Variants in SYCP1 observed in about 807,000 individuals in gnomAD.
SYCP1 encodes cancer/testis antigen 8.
Under a neutral mutation model 153.1 loss-of-function variants are expected in SYCP1, and 64 were observed. The ratio of observed to expected loss-of-function variants is 0.42; its 90% CI spans 0.34 to 0.51. The LOEUF (loss-of-function observed/expected upper bound fraction) is 0.51, where lower values mean the gene tolerates loss of function less well. SYCP1 is among the 20% of genes least tolerant of loss of function. The pLI is 0.06. For synonymous variants in SYCP1, 384 were observed against 341.8 expected (o/e 1.12, Z -1.36); for missense variants, 997 against 1,049.0 (o/e 0.95, Z 0.68).
chr1:114,989,066 C>T (rs991624140), intron 30 of SYCP1, among the ~76,000 whole-genome samples: 7 of 151,834 alleles, frequency 4.6e-5, no homozygotes, highest in Admixed American at 4.6e-4. Flanking sequence ...ACTTAGGAGG[C>T]TGAGGTGTAA....
intron 23 of SYCP1, among the ~76,000 whole-genome samples, chr1:114,934,931 T>C (rs538323343): frequency 1.3e-5 from 2 of 152,022 alleles, no homozygotes; most frequent in South Asian, 4.2e-4. Flanking sequence ...CCTAGAAAGG[T>C]ACTTAGACTC....
chr1:114,915,653 C>T (rs1668469526), intron 20 of SYCP1, among the ~76,000 whole-genome samples: 2 of 152,188 alleles, frequency 1.3e-5, no homozygotes, highest in Non-Finnish European at 2.9e-5. Context: ...GAATTTAAAA[C>T]TCTTTTCAGT....
At chr1:114,912,474 A>G (rs556815137) in intron 18 of SYCP1, among the ~76,000 whole-genome samples, 3 of 152,126 alleles carry the variant, frequency 2.0e-5, no homozygotes, top group African/African-American at 7.2e-5. Context: ...TGTAAGCAAT[A>G]CAGCAATAAT....
At chr1:114,926,026 C>T (rs570294292) in intron 21 of SYCP1, among the ~76,000 whole-genome samples, 3 of 152,064 alleles carry the variant, frequency 2.0e-5, no homozygotes, top group Non-Finnish European at 2.9e-5. Context: ...GTAATCCCAG[C>T]ACTTTGGGAG....
chr1:114,887,729 T>A (rs540020952), intron 15 of SYCP1, 36 bp downstream of exon 15: 1 of 1,266,108 alleles, frequency 7.9e-7, no homozygotes, highest in South Asian at 1.9e-5. Context: ...ACTTTAATAA[T>A]ATTAACTTAT....
rs554201631 is a variant in SYCP1, at chr1:114,899,913, A to T, written c.1320+4404A>T. On this transcript the variant is annotated intron_variant, in intron 16 of 31. Transcript: ENST00000369522. ...AAGGCAATTTTGAAACTGAAGTTTG[A>T]TTTTGGGAAGCCTGTAAAATATGTT... Among the ~76,000 whole-genome samples, 8 of 152,328 alleles carry T rather than the reference A, an allele frequency of 5.3e-5. No homozygotes were observed. The South Asian group carries it at 1.4e-3, about 28-fold the overall frequency.
chr1:114,977,167 T>C (rs1672847565), intron 27 of SYCP1, among the ~76,000 whole-genome samples: 1 of 151,788 alleles, frequency 6.6e-6, no homozygotes, highest in African/African-American at 2.4e-5. Context: ...CATAGAAAAA[T>C]CTAATTCTGC....
At chr1:114,975,632 T>C (rs1018510125) in intron 27 of SYCP1, among the ~76,000 whole-genome samples, 16 of 151,746 alleles carry the variant, frequency 1.1e-4, no homozygotes, top group African/African-American at 3.9e-4. Context: ...TCTCAGTCAA[T>C]ATGACAATCC....
chr1:114,932,642 C>T (rs544458902), intron 23 of SYCP1, among the ~76,000 whole-genome samples: 1 of 152,322 alleles, frequency 6.6e-6, no homozygotes, highest in East Asian at 1.9e-4. Context: ...TGGGGAATTC[C>T]CTTTCCTAAC....
chr1:114,951,817 CT>C (rs1671127833), intron 27 of SYCP1, among the ~76,000 whole-genome samples: 1 of 152,076 alleles, frequency 6.6e-6, no homozygotes, highest in Admixed American at 6.6e-5. Context: ...TCCCCCACCC[CT>C]GGCAATCACT....
intron 16 of SYCP1, among the ~76,000 whole-genome samples, chr1:114,904,540 C>G (rs1050524487): frequency 6.6e-6 from 1 of 152,108 alleles, no homozygotes; most frequent in African/African-American, 2.4e-5. Flanking sequence ...AGTACATGAA[C>G]GTAGTATCTG....
intron 23 of SYCP1, among the ~76,000 whole-genome samples, chr1:114,929,603 GTAT>G (rs1157870161): frequency 5.3e-5 from 8 of 151,890 alleles, no homozygotes; most frequent in Admixed American, 3.3e-4. Context: ...AAGACAAGTA[GTAT>G]TATTAAAGAT....
chr1:114,945,992 A>G (rs1326479997), intron 25 of SYCP1, among the ~76,000 whole-genome samples: 1 of 152,094 alleles, frequency 6.6e-6, no homozygotes, highest in African/African-American at 2.4e-5. Context: ...TTTCTGGCAA[A>G]TTTTTAAATG....
intron 30 of SYCP1, among the ~76,000 whole-genome samples, chr1:114,986,054 A>G (rs1429387275): frequency 6.6e-6 from 1 of 152,002 alleles, no homozygotes; most frequent in Non-Finnish European, 1.5e-5. Context: ...GAGGAAGTAC[A>G]TAGGTTACAT....
At chr1:114,886,098 T>C (rs368339160) in intron 13 of SYCP1, 27 bp from the exon 14 acceptor site, 60 of 1,508,858 alleles carry the variant, frequency 4.0e-5, no homozygotes, top group Non-Finnish European at 5.2e-5. Context: ...GGATCATTGC[T>C]CTTGTTTTAT....
intron 27 of SYCP1, among the ~76,000 whole-genome samples, chr1:114,965,771 C>T (rs1467377079): frequency 6.6e-6 from 1 of 152,170 alleles, no homozygotes; most frequent in Admixed American, 6.5e-5. Flanking sequence ...AGGATTATCA[C>T]ATCGATGTTC....
At chr1:114,854,245 G>C (rs1412943685), upstream of SYCP1, among the ~76,000 whole-genome samples, 3 of 152,104 alleles carry the variant, frequency 2.0e-5, no homozygotes, top group African/African-American at 7.2e-5. Context: ...CAAGACTCAA[G>C]TGATCTTCCC....
chr1:114,981,956 A>G (rs773830860), intron 29 of SYCP1, among the ~76,000 whole-genome samples: 2 of 151,980 alleles, frequency 1.3e-5, no homozygotes, highest in African/African-American at 2.4e-5. Context: ...GTTTACCCCA[A>G]TCATCTTGCA....
chr1:114,858,647 AAAGT>A lies in SYCP1; in HGVS notation c.397_400del (p.Lys133CysfsTer7). 1 of 1,613,184 alleles carries A rather than the reference AAAGT, an allele frequency of 6.2e-7. No individual in the cohort carries two copies. The highest frequency in any genetic ancestry group is 8.5e-7 in the Non-Finnish European group (1 of 1,179,532). ...ACAGAAGCTGAACTGAGACAGAAAG[AAAGT>A]AAGTTGCAAGAAAACAGAAAGATAA... On this transcript the variant is annotated frameshift_variant, in exon 6 of 32. Transcript: ENST00000369522. LOFTEE classifies it high-confidence loss of function.
Sources: allele counts gnomAD v4.1 joint callset (sites outside exome capture counted in the v4.1 genomes callset), GRCh38; gene constraint gnomAD v4.1.1; transcripts MANE v1.5; gene names NCBI Gene and HGNC (gene_info 2026-07-23, HGNC 2026-07-21).